The following OPCML variants were observed in gnomAD, a reference collection of about 807,000 sequenced individuals.
OPCML encodes the protein opioid binding protein/cell adhesion molecule like, also known as opioid-binding protein/cell adhesion molecule.
A neutral mutation model predicts 37.8 loss-of-function variants in OPCML; 13 were observed. The observed-to-expected ratio is 0.34, with a 90% CI of 0.22 to 0.55. OPCML has a LOEUF of 0.55. Ranked by LOEUF, OPCML falls within the 20% of genes least tolerant of loss-of-function variation. OPCML has a pLI of 0.91. For missense variants in OPCML, 341 were observed against 435.6 expected (o/e 0.78, Z 1.93); for synonymous variants, 176 against 168.8 (o/e 1.04, Z -0.33).
intron 1 of OPCML, among the ~76,000 whole-genome samples, chr11:133,344,275 C>T (rs1011021463): frequency 1.4e-4 from 21 of 152,202 alleles, no homozygotes; most frequent in African/African-American, 5.1e-4. Context: ...AATGAACCCA[C>T]TGACAGTCTC....
At chr11:132,877,663 T>G (rs1222296030) in intron 2 of OPCML, among the ~76,000 whole-genome samples, 1 of 152,184 alleles carries the variant, frequency 6.6e-6, no homozygotes, top group Non-Finnish European at 1.5e-5. Flanking sequence ...AACGGAGATG[T>G]GGCCACTTTC....
intron 1 of OPCML, among the ~76,000 whole-genome samples, chr11:133,471,749 A>G (rs1947121396): frequency 6.6e-6 from 1 of 152,232 alleles, no homozygotes; most frequent in Admixed American, 6.5e-5. Context: ...TGCTCATGAC[A>G]GGGTCTAAAA....
intron 3 of OPCML, among the ~76,000 whole-genome samples, chr11:132,637,733 G>A (rs997123156): frequency 6.6e-6 from 1 of 152,044 alleles, no homozygotes; most frequent in South Asian, 2.1e-4. Context: ...TATGTTCCAG[G>A]CAGGTATTAG....
chr11:132,850,383 A>G (rs953801594), intron 2 of OPCML, among the ~76,000 whole-genome samples: 1 of 152,194 alleles, frequency 6.6e-6, no homozygotes, highest in African/African-American at 2.4e-5. Context: ...TGCAGCATCA[A>G]ATTAGTGCTG....
chr11:132,888,797 T>C (rs939999789), intron 2 of OPCML, among the ~76,000 whole-genome samples: 6 of 152,096 alleles, frequency 3.9e-5, no homozygotes, highest in African/African-American at 1.2e-4. Flanking sequence ...CAAAATGCAT[T>C]TTAATAATTT....
At chr11:133,122,347 G>C (rs777452054) in intron 1 of OPCML, among the ~76,000 whole-genome samples, 1 of 151,636 alleles carries the variant, frequency 6.6e-6, no homozygotes, top group African/African-American at 2.4e-5. Flanking sequence ...TCCATAGTAA[G>C]AGTGGTAGGG....
At chr11:132,549,465 G>T (rs1305162014) in intron 3 of OPCML, among the ~76,000 whole-genome samples, 1 of 152,174 alleles carries the variant, frequency 6.6e-6, no homozygotes, top group Non-Finnish European at 1.5e-5. Context: ...CAATGGAGTG[G>T]TCACTCTTTT....
At chr11:133,204,868 G>GTGTATATATA (rs1435953218) in intron 1 of OPCML, among the ~76,000 whole-genome samples, 28 of 117,302 alleles carry the variant, frequency 2.4e-4, no homozygotes, top group South Asian at 6.5e-4. Context: ...ATATATATGT[G>GTGTATATATA]TATATATATA....
chr11:133,207,729 C>T (rs756829296), intron 1 of OPCML, among the ~76,000 whole-genome samples: 26 of 152,080 alleles, frequency 1.7e-4, no homozygotes, highest in Non-Finnish European at 3.2e-4. Flanking sequence ...ATGGCAATGC[C>T]GACTGAGGAA....
intron 2 of OPCML, among the ~76,000 whole-genome samples, chr11:132,869,494 C>T (rs546967915): frequency 3.3e-5 from 5 of 152,074 alleles, no homozygotes; most frequent in African/African-American, 1.2e-4. Flanking sequence ...TACTTACAAC[C>T]TGGGAGGAAT....
intron 1 of OPCML, among the ~76,000 whole-genome samples, chr11:133,019,339 A>G (rs971972204): frequency 1.3e-5 from 2 of 152,164 alleles, no homozygotes; most frequent in African/African-American, 4.8e-5. Flanking sequence ...ACCAGAGATA[A>G]GATAGTTGAG....
intron 1 of OPCML, among the ~76,000 whole-genome samples, chr11:133,034,380 C>A (rs1295886599): frequency 2.0e-5 from 3 of 150,116 alleles, no homozygotes; most frequent in African/African-American, 7.4e-5. Context: ...GGAATGCATG[C>A]AAGTGCTGTA....
intron 3 of OPCML, among the ~76,000 whole-genome samples, chr11:132,536,768 G>A (rs1185714497): frequency 6.6e-6 from 1 of 152,144 alleles, no homozygotes; most frequent in Non-Finnish European, 1.5e-5. Flanking sequence ...TCTAGGCTAG[G>A]TTATGTGATA....
intron 1 of OPCML, among the ~76,000 whole-genome samples, chr11:133,314,557 G>GAA (rs58045536): frequency 1.5e-4 from 21 of 140,994 alleles, no homozygotes; most frequent in Middle Eastern, 3.8e-3. Flanking sequence ...TCCATAATAA[G>GAA]AAAAAAAAAA....
chr11:132,833,985 T>A (rs1178959481), intron 2 of OPCML, among the ~76,000 whole-genome samples: 1 of 152,208 alleles, frequency 6.6e-6, no homozygotes. Context: ...AAAAAAGAGA[T>A]GCTAACTCTT....
At chr11:132,864,161 C>A (rs1022521863) in intron 2 of OPCML, among the ~76,000 whole-genome samples, 1 of 152,136 alleles carries the variant, frequency 6.6e-6, no homozygotes, top group Non-Finnish European at 1.5e-5. Context: ...TGGTCTTGAA[C>A]TCCTGACCTC....
intron 1 of OPCML, among the ~76,000 whole-genome samples, chr11:133,436,738 C>T (rs1946241239): frequency 1.3e-5 from 2 of 152,194 alleles, no homozygotes; most frequent in African/African-American, 4.8e-5. Flanking sequence ...TCAGTTTCTT[C>T]AAGCTGTAAA....
chr11:133,193,660 T>C (rs969443393), intron 1 of OPCML, among the ~76,000 whole-genome samples: 1 of 152,190 alleles, frequency 6.6e-6, no homozygotes, highest in Non-Finnish European at 1.5e-5. Flanking sequence ...ATTTGTATAC[T>C]GCTGAGCCCA....
At chr11:133,199,529 C>G (rs575960880) in intron 1 of OPCML, among the ~76,000 whole-genome samples, 2 of 152,106 alleles carry the variant, frequency 1.3e-5, no homozygotes, top group African/African-American at 4.8e-5. Flanking sequence ...AACAAGTCAA[C>G]CCTCTATCTT....
Sources: allele counts gnomAD v4.1 joint callset (sites outside exome capture counted in the v4.1 genomes callset), GRCh38; gene constraint gnomAD v4.1.1; transcripts MANE v1.5; gene names NCBI Gene and HGNC (gene_info 2026-07-23, HGNC 2026-07-21).